The following SUPT5H variants were observed in gnomAD, a reference collection of about 807,000 sequenced individuals.
SUPT5H encodes transcription elongation factor SPT5.
SUPT5H carries 24 observed loss-of-function variants against 142.5 expected under a neutral mutation model. The observed-to-expected ratio is 0.17, with a 90% CI of 0.12 to 0.24. SUPT5H has a LOEUF of 0.24. Ranked by LOEUF, SUPT5H falls within the 10% of genes least tolerant of loss-of-function variation. The pLI, the probability that SUPT5H is intolerant of heterozygous loss-of-function variation, is 1.00. For synonymous variants in SUPT5H, 546 were observed against 553.0 expected (o/e 0.99, Z 0.18); for missense variants, 893 against 1,471.8 (o/e 0.61, Z 6.43).
At position 39,472,633 on chromosome 19, in the gene SUPT5H, C is replaced by T; in HGVS notation, c.2035+140C>T. The T allele has an allele frequency of 6.5e-6, 9 of 1,379,216 alleles. No individual in the cohort carries two copies. Among genetic ancestry groups the T allele is most frequent in the Non-Finnish European group, 8.9e-6 (9 of 1,016,630 alleles). 85.4% of individuals were successfully genotyped at this position (1,379,216 alleles called of 1,614,324 possible). A position where few individuals can be genotyped will look rare whatever the true frequency, so the allele number is the denominator to read the frequency against. On this transcript the variant is annotated intron_variant, in intron 21 of 29. Coordinates refer to ENST00000432763, the MANE Select transcript of SUPT5H (RefSeq NM_001111020.3). This position sits in a 1 kb window ranked among gnomAD's most constrained non-coding sequence, Gnocchi z 4.2. Reference sequence around the variant, plus strand: ...TTCACCACCCACAGGAGGGTAGACGCCACAGTGACAGCCCAGAATGGTCAG... The same window carrying T: ...TTCACCACCCACAGGAGGGTAGACGTCACAGTGACAGCCCAGAATGGTCAG...
chr19:39,462,649 A>G (rs62120670), intron 10 of SUPT5H, among the ~76,000 whole-genome samples: 26,755 of 151,270 alleles, frequency 0.18, 2,490 homozygotes, highest in Middle Eastern at 0.28. Flanking sequence ...TCCTGTCTCA[A>G]TCTCCCAAGT....
Position 39,455,511 on chromosome 19 carries a change from G to A in SUPT5H, c.241+1990G>A, listed in dbSNP as rs573582259. Among the ~76,000 whole-genome samples, 9 of 151,986 alleles carry A rather than the reference G, an allele frequency of 5.9e-5. No individual in the cohort carries two copies. In the South Asian group the frequency reaches 8.3e-4, roughly 14 times the overall value. On this transcript the variant is annotated intron_variant, in intron 3 of 29. Coordinates refer to ENST00000432763, the MANE Select transcript of SUPT5H (RefSeq NM_001111020.3). The stretch of plus-strand genomic sequence containing the variant: ...CGGGAGGTGGAGGTTGCAGTGAGCC[G>A]AGATTGCTGCACTCTAGCTTGGGTG...
rs2079361161 is a variant in SUPT5H, at chr19:39,473,842, C to G, written c.2493-121C>G. The G allele has an allele frequency of 7.3e-7, 1 of 1,374,084 alleles. No individual in the cohort carries two copies. The highest frequency in any genetic ancestry group is 1.4e-5 in the African/African-American group (1 of 70,524). The allele number at this position is 1,374,084 out of a possible 1,614,324, so 85.1% of individuals were successfully genotyped here. A position where few individuals can be genotyped will look rare whatever the true frequency, so the allele number is the denominator to read the frequency against. ...AAGGGAAATAACATCAGGAGTGCCTCTGGATGGGGCTCCCGTGAGAATGAA... is the reference window on the plus strand; with the variant it reads ...AAGGGAAATAACATCAGGAGTGCCTGTGGATGGGGCTCCCGTGAGAATGAA... On this transcript the variant is annotated intron_variant, in intron 25 of 29. Coordinates refer to ENST00000432763, the MANE Select transcript of SUPT5H (RefSeq NM_001111020.3). This position sits in a 1 kb window ranked among gnomAD's most constrained non-coding sequence, Gnocchi z 5.8.
Position 39,469,235 on chromosome 19 carries a change from G to A in SUPT5H, c.1238-27G>A, listed in dbSNP as rs747570943. ...GGGGCGGCCCATGGTGGCAACCCCC[G>A]AGTCAGCCCTACGACTGCCCCTGCA... On this transcript the variant is annotated intron_variant, in intron 15 of 29. Coordinates refer to ENST00000432763, the MANE Select transcript of SUPT5H (RefSeq NM_001111020.3). The surrounding 1 kb of genome is among the most constrained non-coding windows in gnomAD (Gnocchi z 5.1). The A allele has an allele frequency of 8.8e-5, 142 of 1,614,084 alleles. No homozygotes were observed. Among genetic ancestry groups the A allele is most frequent in the Non-Finnish European group, 1.2e-4 (136 of 1,180,024 alleles).
intron 10 of SUPT5H, among the ~76,000 whole-genome samples, chr19:39,463,348 G>A (rs1177410256): frequency 6.6e-6 from 1 of 152,028 alleles, no homozygotes; most frequent in African/African-American, 2.4e-5. Flanking sequence ...TTACTTCTAA[G>A]CATGGCTTTT....
intron 10 of SUPT5H, among the ~76,000 whole-genome samples, chr19:39,462,283 A>G (rs1449517929): frequency 6.6e-6 from 1 of 152,094 alleles, no homozygotes; most frequent in Non-Finnish European, 1.5e-5. Context: ...CATCATCACC[A>G]TCTAATTCCA....
At chr19:39,447,002 G>C (rs373859488) in intron 2 of SUPT5H, among the ~76,000 whole-genome samples, 145 of 151,786 alleles carry the variant, frequency 9.6e-4, no homozygotes, top group African/African-American at 3.3e-3. Context: ...GCAAGACTCC[G>C]TCTTATAAAA....
In SUPT5H at chr19:39,459,971, T is replaced by A. The variant is rs779755879; in HGVS notation, c.624+11T>A. On this transcript the variant is annotated intron_variant, in intron 10 of 29. Transcript: ENST00000432763. ...CAGTTCACAGACACGGTAAGTCGGG[T>A]AGACAGGCGGCTTGGTGGGGAGACA... is the stretch of plus-strand genomic sequence containing the variant. 1.9e-6 allele frequency: 3 copies of A among 1,613,954 alleles called. No homozygotes were observed. Among genetic ancestry groups the A allele is most frequent in the Non-Finnish European group, 2.5e-6 (3 of 1,179,976 alleles).
At chr19:39,447,004 C>T (rs1202771439) in intron 2 of SUPT5H, among the ~76,000 whole-genome samples, 2 of 151,676 alleles carry the variant, frequency 1.3e-5, no homozygotes, top group Non-Finnish European at 2.9e-5. Context: ...AAGACTCCGT[C>T]TTATAAAAAT....
In SUPT5H at chr19:39,474,150, A is replaced by T. The variant is rs1225983421; in HGVS notation, c.2651+29A>T. 3.7e-6 allele frequency: 6 copies of T among 1,605,958 alleles called. No homozygotes were observed. The highest frequency in any genetic ancestry group is 5.1e-6 in the Non-Finnish European group (6 of 1,175,932). ...AGTCCACTGGGGCCTGCCCTCGTCT[A>T]CCCCTGCCCAAACCCTCCTACTGCC... On this transcript the variant is annotated intron_variant, in intron 26 of 29. Transcript: ENST00000432763. The surrounding 1 kb of genome is among the most constrained non-coding windows in gnomAD (Gnocchi z 6.5).
At position 39,469,865 on chromosome 19, in the gene SUPT5H, G is replaced by C. The variant is rs1371958882; in HGVS notation, c.1375-254G>C. 5.8e-6 allele frequency: 3 copies of C among 519,670 alleles called. No homozygotes were observed. Among genetic ancestry groups the C allele is most frequent in the Non-Finnish European group, 1.0e-5 (3 of 289,772 alleles). 32.2% of individuals were successfully genotyped at this position (519,670 alleles called of 1,614,324 possible). On this transcript the variant is annotated intron_variant, in intron 16 of 29. Transcript: ENST00000432763. The surrounding 1 kb of genome is among the most constrained non-coding windows in gnomAD (Gnocchi z 5.1). ...GTCTGAGGGGCAGGCTCTCTGTGTGGGTATAGGTAGGCATCGTGTGTCTTG... is the reference window on the plus strand; with the variant it reads ...GTCTGAGGGGCAGGCTCTCTGTGTGCGTATAGGTAGGCATCGTGTGTCTTG...
At position 39,464,892 on chromosome 19, in the gene SUPT5H, A is replaced by G. The variant is rs1374969398; in HGVS notation, c.719A>G (p.Glu240Gly). The G allele has an allele frequency of 1.2e-6, 2 of 1,613,954 alleles. No homozygotes were observed. Among genetic ancestry groups the G allele is most frequent in the African/African-American group, 2.7e-5 (2 of 74,894 alleles). The change falls in exon 11 of 30, where the codon GAG (glutamate) becomes GGG (glycine). Residue 240 changes from glutamate (E) to glycine (G), a missense_variant. Coordinates refer to ENST00000432763, the MANE Select transcript of SUPT5H (RefSeq NM_001111020.3). ...YKQTHVKQAI[E>G]GVGNLRLGYW... ...CAGACCCACGTGAAGCAGGCCATTG[A>G]GGGGGTGGGCAACCTGCGGCTTGGC...
At position 39,470,442 on chromosome 19, in the gene SUPT5H, C is replaced by T; in HGVS notation, c.1596C>T (p.Gly532=). Residue 532 remains glycine, a synonymous_variant, in exon 18 of 30, where the codon GGC becomes GGT. Coordinates refer to ENST00000432763, the MANE Select transcript of SUPT5H (RefSeq NM_001111020.3). This position sits in a 1 kb window ranked among gnomAD's most constrained non-coding sequence, Gnocchi z 5.8. ...CAGCATCAGGTGTGGATGTTGGGGG[C>T]CAGCATGAATGGGGCGAGCTGGTGC... ...SETASGVDVG[G]QHEWGELVQL... is the part of the protein sequence containing the mutation. The T allele has an allele frequency of 6.2e-7, 1 of 1,606,836 alleles. No individual in the cohort carries two copies. Among genetic ancestry groups the T allele is most frequent in the East Asian group, 2.3e-5 (1 of 44,418 alleles).
intron 2 of SUPT5H, among the ~76,000 whole-genome samples, chr19:39,450,890 G>A (rs1232981482): frequency 6.6e-6 from 1 of 152,174 alleles, no homozygotes; most frequent in Non-Finnish European, 1.5e-5. Flanking sequence ...GCAGGCAGCA[G>A]TATCTTGCTG....
At chr19:39,457,551 G>T in intron 3 of SUPT5H, 124 bp from the exon 4 acceptor site, 1 of 1,501,604 alleles carries the variant, frequency 6.7e-7, no homozygotes, top group Non-Finnish European at 8.9e-7. Flanking sequence ...CCCTGTTGGA[G>T]CCTCAGTGTC....
At chr19:39,448,563 C>CT (rs2146069134) in intron 2 of SUPT5H, among the ~76,000 whole-genome samples, 1 of 152,046 alleles carries the variant, frequency 6.6e-6, no homozygotes, top group African/African-American at 2.4e-5. Context: ...TACTTGACCC[C>CT]CCACCCCCGC....
rs746429892 is a variant in SUPT5H at position 39,473,210 on chromosome 19, C to G, written c.2266C>G (p.Arg756Gly). The G allele has an allele frequency of 1.2e-6, 2 of 1,612,284 alleles. No individual in the cohort carries two copies. The highest frequency in any genetic ancestry group is 1.7e-6 in the Non-Finnish European group (2 of 1,179,944). Residue 756 changes from arginine (R) to glycine (G), a missense_variant, in exon 24 of 30, where the codon CGG (arginine) becomes GGG (glycine). Around this residue, in one of 6 missense-constraint regions of SUPT5H, gnomAD observed 336 missense variants for 546.5 expected, o/e 0.61. Coordinates refer to ENST00000432763, the MANE Select transcript of SUPT5H (RefSeq NM_001111020.3). This position sits in a 1 kb window ranked among gnomAD's most constrained non-coding sequence, Gnocchi z 5.8. The stretch of plus-strand genomic sequence containing the variant: ...TGTTCTCTGCGTCCCCAGGGGCTCA[C>G]GGCGCCCGGGCGGCATGACCTCGAC... ...DRQRLTTVGS[R>G]RPGGMTSTYG... is the part of the protein sequence containing the mutation.
rs887504378 is a variant in SUPT5H at position 39,469,216 on chromosome 19, G to A, written c.1237+44G>A. 8 of 1,614,180 alleles carry A rather than the reference G, an allele frequency of 5.0e-6. No homozygotes were observed. The highest frequency in any genetic ancestry group is 5.9e-6 in the Non-Finnish European group (7 of 1,180,008). ...TAACCTGGGCCAAGGAGCAGGGGCG[G>A]CCCATGGTGGCAACCCCCGAGTCAG... On this transcript the variant is annotated intron_variant, in intron 15 of 29. Coordinates refer to ENST00000432763, the MANE Select transcript of SUPT5H (RefSeq NM_001111020.3). This position sits in a 1 kb window ranked among gnomAD's most constrained non-coding sequence, Gnocchi z 5.1.
Position 39,473,154 on chromosome 19 carries a change from TAGGCAGTGAGAGGG to T in SUPT5H, c.2258+41_2259-35del. 1 of 1,610,860 alleles carries T rather than the reference TAGGCAGTGAGAGGG, an allele frequency of 6.2e-7. No individual in the cohort carries two copies. Among genetic ancestry groups the T allele is most frequent in the South Asian group, 1.1e-5 (1 of 91,074 alleles). Reference sequence around the variant, plus strand: ...TGGGGAGGGCCAGGGTGGGGCTTGCTAGGCAGTGAGAGGGGTCTGCTCACCCCATTTGTTCTCTG... The same window carrying T: ...TGGGGAGGGCCAGGGTGGGGCTTGCTGTCTGCTCACCCCATTTGTTCTCTG... On this transcript the variant is annotated intron_variant, in intron 23 of 29. Coordinates refer to ENST00000432763, the MANE Select transcript of SUPT5H (RefSeq NM_001111020.3). The surrounding 1 kb of genome is among the most constrained non-coding windows in gnomAD (Gnocchi z 5.8).
Sources: gnomAD v4.1 joint callset for allele counts (sites outside exome capture counted in the v4.1 genomes callset) on GRCh38, gnomAD v4.1.1 for gene constraint, gnomAD v4.1.1 regional missense constraint, Gnocchi (gnomAD v3.1) non-coding constraint, MANE v1.5 for transcripts, NCBI Gene and HGNC (gene_info 2026-07-23, HGNC 2026-07-21) for gene names.